The following XPO5 variants were observed in gnomAD, a reference collection of about 807,000 sequenced individuals.
XPO5 encodes exportin-5.
Under a neutral mutation model 160.6 loss-of-function variants are expected in XPO5, and 46 were observed. The ratio of observed to expected loss-of-function variants is 0.29; its 90% CI spans 0.23 to 0.37. The LOEUF is 0.37. XPO5 is among the 10% of genes least tolerant of loss of function. The pLI is 1.00. For synonymous variants in XPO5, 537 were observed against 519.3 expected, an observed-to-expected ratio of 1.03 and a Z score of -0.46; for missense variants, 1,090 against 1,463.9, an observed-to-expected ratio of 0.74 and a Z score of 4.17.
chr6:43,536,946 T>C (rs1458604131), intron 20 of XPO5, among the ~76,000 whole-genome samples: 1 of 150,986 alleles, frequency 6.6e-6, no homozygotes, highest in Non-Finnish European at 1.5e-5. Context: ...TGTCCCAGCA[T>C]TGAATAATTG....
intron 20 of XPO5, among the ~76,000 whole-genome samples, chr6:43,545,356 C>T (rs1331368515): frequency 6.6e-6 from 1 of 152,180 alleles, no homozygotes; most frequent in African/African-American, 2.4e-5. Context: ...ACTGCTTTTA[C>T]TCCTTGGAGA....
chr6:43,532,771 A>C (rs1561867165), intron 21 of XPO5, among the ~76,000 whole-genome samples: 1 of 152,198 alleles, frequency 6.6e-6, no homozygotes, highest in Non-Finnish European at 1.5e-5. Flanking sequence ...CTTCACAGCA[A>C]ATACCACAAT....
chr6:43,524,406 A>T, intron 31 of XPO5, 65 bp downstream of exon 31: 1 of 1,530,826 alleles, frequency 6.5e-7, no homozygotes, highest in South Asian at 1.2e-5. Context: ...CAGCTGGTTT[A>T]TGGTTTGCCC....
intron 1 of XPO5, among the ~76,000 whole-genome samples, chr6:43,574,942 T>A (rs74843842): frequency 6.6e-6 from 1 of 152,326 alleles, no homozygotes; most frequent in Non-Finnish European, 1.5e-5. Context: ...GAAGTTAACA[T>A]CACTTTAAAA....
chr6:43,561,244 T>C (rs1762399014), intron 9 of XPO5, among the ~76,000 whole-genome samples: 1 of 152,204 alleles, frequency 6.6e-6, no homozygotes. Flanking sequence ...AAACCCATTC[T>C]GTGGTCAAAC....
chr6:43,532,852 C>A (rs1794068706), intron 21 of XPO5, among the ~76,000 whole-genome samples: 1 of 152,150 alleles, frequency 6.6e-6, no homozygotes, highest in African/African-American at 2.4e-5. Context: ...CTAACAAGGT[C>A]ACAACTGGAA....
intron 23 of XPO5, chr6:43,529,610 T>A (rs1407981394): frequency 5.5e-6 from 1 of 180,304 alleles, no homozygotes; most frequent in Non-Finnish European, 1.2e-5. Flanking sequence ...AGGGTCTGAA[T>A]GAGAATGAAG....
intron 26 of XPO5, chr6:43,527,033 TCAAA>T (rs1345421114): frequency 5.8e-5 from 20 of 342,170 alleles, no homozygotes; most frequent in African/African-American, 1.8e-4. Context: ...ACTTTGAATC[TCAAA>T]CAAACAAAAT....
At chr6:43,539,180 C>G in intron 20 of XPO5, 1 of 1,117,584 alleles carries the variant, frequency 8.9e-7, no homozygotes, top group Non-Finnish European at 1.3e-6. Context: ...GTGGGGCTTG[C>G]CGATCTTGTT....
At chr6:43,545,824 C>A (rs1794940199) in intron 20 of XPO5, among the ~76,000 whole-genome samples, 1 of 152,158 alleles carries the variant, frequency 6.6e-6, no homozygotes. Flanking sequence ...ATCCCTGAGT[C>A]ATCAAATATC....
At position 43,525,220 on chromosome 6, in the gene XPO5, C is replaced by A. The variant is rs1429517533; in HGVS notation, c.3067-6G>T. ...AATAGCGCTGTACAAACATCCTGAA[C>A]AGGAAAAGATGAAGAGTTACAATGG... On this transcript the variant is annotated splice_region_variant and splice_polypyrimidine_tract_variant and intron_variant, in intron 28 of 31. Coordinates refer to ENST00000265351, the MANE Select transcript of XPO5 (RefSeq NM_020750.3). 21 of 1,568,062 alleles carry A rather than the reference C, an allele frequency of 1.3e-5. No individual in the cohort carries two copies. The highest frequency in any genetic ancestry group is 1.8e-5 in the Non-Finnish European group (21 of 1,155,490).
intron 17 of XPO5, 151 bp downstream of exon 17, chr6:43,549,338 A>T: frequency 1.4e-6 from 1 of 691,832 alleles, no homozygotes; most frequent in Non-Finnish European, 2.3e-6. Flanking sequence ...TGTTGGGATT[A>T]CAGGTGTGAG....
rs2127738898 is a variant in XPO5 at position 43,555,954 on chromosome 6, T to C, written c.1323A>G (p.Ala441=). 1 of 1,613,550 alleles carries C rather than the reference T, an allele frequency of 6.2e-7. No homozygotes were observed. Among genetic ancestry groups the C allele is most frequent in the Non-Finnish European group, 8.5e-7 (1 of 1,179,696 alleles). The change falls in exon 13 of 32, where the codon GCA becomes GCG. Residue 441 remains alanine (A), a synonymous_variant. Coordinates refer to ENST00000265351, the MANE Select transcript of XPO5 (RefSeq NM_020750.3). ...DFNAFFNSSR[A]QQGEVMRLAC... is the part of the protein sequence containing the mutation. ...CCAACCTCATCACCTCTCCTTGTTGTGCTCGGGAGGCTGCCAAGAGAAAAT... is the reference window on the plus strand; with the variant it reads ...CCAACCTCATCACCTCTCCTTGTTGCGCTCGGGAGGCTGCCAAGAGAAAAT...
At position 43,522,492 on chromosome 6, in the gene XPO5, C is replaced by T; in HGVS notation, c.*1376G>A. The T allele has an allele frequency of 4.9e-6, 1 of 202,772 alleles. No homozygotes were observed. Among genetic ancestry groups the T allele is most frequent in the South Asian group, 6.0e-5 (1 of 16,602 alleles). The allele number at this position is 202,772 out of a possible 1,614,324, so 12.6% of individuals were successfully genotyped here. A position where few individuals can be genotyped will look rare whatever the true frequency, so the allele number is the denominator to read the frequency against. On this transcript the variant is annotated 3_prime_UTR_variant, in exon 32 of 32. Coordinates refer to ENST00000265351, the MANE Select transcript of XPO5 (RefSeq NM_020750.3). ...AAATACAACTACATCCTCCACAGCC[C>T]CAACCAGACAGGAATAGGCAGCTAT...
intron 7 of XPO5, among the ~76,000 whole-genome samples, chr6:43,566,031 C>T (rs963976398): frequency 2.0e-5 from 3 of 151,938 alleles, no homozygotes; most frequent in African/African-American, 4.8e-5. Context: ...ACGAGGCAGG[C>T]GGAACAACTG....
At chr6:43,571,947 A>C (rs1008192602) in intron 3 of XPO5, among the ~76,000 whole-genome samples, 1 of 152,248 alleles carries the variant, frequency 6.6e-6, no homozygotes, top group East Asian at 1.9e-4. Flanking sequence ...TAGATCTAAG[A>C]ATCTTATTGA....
intron 18 of XPO5, 74 bp downstream of exon 18, chr6:43,548,187 C>T (rs1168581145): frequency 1.0e-5 from 15 of 1,430,548 alleles, no homozygotes; most frequent in East Asian, 2.3e-5. Flanking sequence ...ACCCCTACCC[C>T]ACCCTGGGCC....
intron 5 of XPO5, among the ~76,000 whole-genome samples, chr6:43,568,969 C>G (rs1762846743): frequency 6.6e-6 from 1 of 152,174 alleles, no homozygotes; most frequent in South Asian, 2.1e-4. Flanking sequence ...GTATGTATAG[C>G]CTAAGTATAT....
intron 20 of XPO5, among the ~76,000 whole-genome samples, chr6:43,538,139 CTTTTTTT>C (rs1160662301): frequency 8.6e-4 from 42 of 48,946 alleles, no homozygotes; most frequent in South Asian, 2.6e-3. Context: ...TAAGAGACAT[CTTTTTTT>C]TTTTTTTTTT....
Sources: allele counts gnomAD v4.1 joint callset (sites outside exome capture counted in the v4.1 genomes callset), GRCh38; gene constraint gnomAD v4.1.1; transcripts MANE v1.5; gene names NCBI Gene and HGNC (gene_info 2026-07-23, HGNC 2026-07-21).